PARP8: variants seen among roughly 807,000 people sequenced by gnomAD.
The protein encoded by PARP8 is protein mono-ADP-ribosyltransferase PARP8.
In PARP8, 51 loss-of-function variants were observed where a neutral mutation model predicts 124.1. That is an observed-to-expected ratio of 0.41 (90% CI 0.33 to 0.52). The LOEUF is 0.52. Among genes scored for constraint, PARP8 ranks in the 20% least tolerant of loss-of-function variants. PARP8 has a pLI of 0.21. For synonymous variants in PARP8, 391 were observed against 361.5 expected, an observed-to-expected ratio of 1.08 and a Z score of -0.93; for missense variants, 860 against 1,018.9, an observed-to-expected ratio of 0.84 and a Z score of 2.12.
chr5:50,814,790 A>C (rs187394830), intron 14 of PARP8, among the ~76,000 whole-genome samples: 38 of 152,252 alleles, frequency 2.5e-4, no homozygotes, highest in Admixed American at 2.4e-3. Context: ...GTAACTTGGG[A>C]GATAAGATAA....
chr5:50,831,891 C>T (rs778521648), intron 22 of PARP8, among the ~76,000 whole-genome samples: 17 of 152,042 alleles, frequency 1.1e-4, no homozygotes, highest in Non-Finnish European at 2.2e-4. Context: ...AGTAAGATGA[C>T]GTAGCATCTG....
At chr5:50,783,960 G>C (rs1344517314) in intron 9 of PARP8, among the ~76,000 whole-genome samples, 1 of 152,034 alleles carries the variant, frequency 6.6e-6, no homozygotes, top group Non-Finnish European at 1.5e-5. Context: ...TCATGCAAAA[G>C]TCTTTTACAG....
At chr5:50,775,496 G>A (rs374248886) in intron 7 of PARP8, among the ~76,000 whole-genome samples, 1 of 151,924 alleles carries the variant, frequency 6.6e-6, no homozygotes, top group Non-Finnish European at 1.5e-5. Context: ...GGGAGGTTGC[G>A]GCGAGCCGAG....
chr5:50,795,542 A>G (rs1742447526), intron 12 of PARP8, 125 bp downstream of exon 12: 2 of 754,080 alleles, frequency 2.7e-6, no homozygotes, highest in Non-Finnish European at 4.0e-6. Flanking sequence ...TTTTTTTAAA[A>G]TCTTTTTGGA....
At chr5:50,749,700 C>A (rs559133882) in intron 2 of PARP8, among the ~76,000 whole-genome samples, 80 of 151,956 alleles carry the variant, frequency 5.3e-4, no homozygotes, top group Middle Eastern at 3.4e-3. Flanking sequence ...TAGAAAAAAA[C>A]CAACATTATC....
intron 2 of PARP8, among the ~76,000 whole-genome samples, chr5:50,670,781 T>C (rs1168415088): frequency 6.6e-6 from 1 of 152,232 alleles, no homozygotes; most frequent in East Asian, 1.9e-4. Context: ...GAGACCTCCT[T>C]CTTCTCCATT....
At chr5:50,778,986 T>C (rs1270850970) in intron 9 of PARP8, among the ~76,000 whole-genome samples, 1 of 152,188 alleles carries the variant, frequency 6.6e-6, no homozygotes, top group East Asian at 1.9e-4. Context: ...TGTCTTTGAT[T>C]CTGAGATTCA....
chr5:50,785,152 T>C (rs1407021468), intron 9 of PARP8, among the ~76,000 whole-genome samples: 1 of 152,114 alleles, frequency 6.6e-6, no homozygotes, highest in Non-Finnish European at 1.5e-5. Context: ...TCTTAGTATA[T>C]TCCAAAATTA....
intron 2 of PARP8, among the ~76,000 whole-genome samples, chr5:50,672,147 T>C (rs1750101714): frequency 6.6e-6 from 1 of 152,224 alleles, no homozygotes; most frequent in Non-Finnish European, 1.5e-5. Context: ...TGTTAAGATA[T>C]TTGCTAAGCC....
chr5:50,700,854 A>G (rs1753520585), intron 2 of PARP8, among the ~76,000 whole-genome samples: 1 of 152,134 alleles, frequency 6.6e-6, no homozygotes, highest in African/African-American at 2.4e-5. Flanking sequence ...GCCTTCTCTC[A>G]GGATAATCAT....
chr5:50,726,129 T>G (rs1160789261), intron 2 of PARP8, among the ~76,000 whole-genome samples: 1 of 152,086 alleles, frequency 6.6e-6, no homozygotes, highest in African/African-American at 2.4e-5. Context: ...TTTTTAAATT[T>G]TTTATTTTTT....
intron 2 of PARP8, among the ~76,000 whole-genome samples, chr5:50,736,494 A>G: frequency 6.6e-6 from 1 of 152,158 alleles, no homozygotes; most frequent in Non-Finnish European, 1.5e-5. Context: ...TCAGTTCAGC[A>G]CCTAAATTAA....
chr5:50,795,019 T>A lies in PARP8; in HGVS notation c.1030T>A (p.Leu344Met). The change falls in exon 12 of 26, where the codon TTG becomes ATG. Residue 344 changes from leucine (L) to methionine (M), a missense_variant. Around this residue, in one of 2 missense-constraint regions of PARP8, gnomAD observed 517 missense variants for 544.2 expected, o/e 0.95. Transcript: ENST00000281631. The part of the protein sequence containing the change: ...TKSHRTFGRS[L>M]SSDPRAEQAM... ...GTCACACAGGACCTTTGGCCGCTCC[T>A]TGTCCAGCGATCCCAGGGCGGAGCA... The A allele has an allele frequency of 6.2e-7, 1 of 1,614,238 alleles. No homozygotes were observed. The highest frequency in any genetic ancestry group is 8.5e-7 in the Non-Finnish European group (1 of 1,180,044).
At chr5:50,809,909 A>G (rs779565541) in intron 14 of PARP8, among the ~76,000 whole-genome samples, 44 of 152,056 alleles carry the variant, frequency 2.9e-4, no homozygotes, top group African/African-American at 1.1e-3. Context: ...TATTATTTCT[A>G]TTACCAGTAG....
intron 22 of PARP8, 141 bp downstream of exon 22, chr5:50,830,102 C>A: frequency 2.0e-6 from 2 of 997,096 alleles, no homozygotes; most frequent in Non-Finnish European, 2.7e-6. Context: ...AAAGCAAAAA[C>A]AAAGCCCATT....
intron 2 of PARP8, among the ~76,000 whole-genome samples, chr5:50,676,657 C>T (rs1175188974): frequency 6.6e-6 from 1 of 152,164 alleles, no homozygotes; most frequent in East Asian, 1.9e-4. Context: ...AGTGTACTTT[C>T]AGAGAAGCTC....
intron 14 of PARP8, among the ~76,000 whole-genome samples, chr5:50,813,768 G>A (rs974621537): frequency 4.0e-5 from 6 of 151,636 alleles, no homozygotes; most frequent in South Asian, 2.1e-4. Context: ...TACACAATTT[G>A]GTACTGAAAA....
In PARP8 at chr5:50,800,654, T is replaced by A. The variant is rs143760899; in HGVS notation, c.1575+3421T>A. ...GTTGGTTTTTGTTTTTCTATGTCTC[T>A]TGATATTACTATGTTTTTCTTTTAT... On this transcript the variant is annotated intron_variant, in intron 14 of 25. Coordinates refer to ENST00000281631, the MANE Select transcript of PARP8 (RefSeq NM_024615.4). 2.0e-3 allele frequency among the ~76,000 whole-genome samples: 297 copies of A among 152,282 alleles called. 3 individuals carry two copies. The highest frequency in any genetic ancestry group is 6.8e-3 in the African/African-American group (281 of 41,552).
At chr5:50,742,237 A>C (rs1387273456) in intron 2 of PARP8, among the ~76,000 whole-genome samples, 1 of 152,228 alleles carries the variant, frequency 6.6e-6, no homozygotes, top group African/African-American at 2.4e-5. Context: ...TGGCTTAAAA[A>C]CAAATACATT....
Sources: gnomAD v4.1 joint callset for allele counts (sites outside exome capture counted in the v4.1 genomes callset) on GRCh38, gnomAD v4.1.1 for gene constraint, gnomAD v4.1.1 regional missense constraint, MANE v1.5 for transcripts, NCBI Gene and HGNC (gene_info 2026-07-23, HGNC 2026-07-21) for gene names.